PDE3A: variants seen among roughly 807,000 people sequenced by gnomAD.
The protein encoded by PDE3A is phosphodiesterase 3A.
A neutral mutation model predicts 98.3 loss-of-function variants in PDE3A; 43 were observed. That is an observed-to-expected ratio of 0.44 (90% CI 0.34 to 0.56). The LOEUF is 0.56. Among genes scored for constraint, PDE3A ranks in the 20% least tolerant of loss-of-function variants. The pLI is 0.01. For missense variants in PDE3A, 1,427 were observed against 1,440.7 expected, an observed-to-expected ratio of 0.99 and a Z score of 0.15; for synonymous variants, 663 against 567.9, an observed-to-expected ratio of 1.17 and a Z score of -2.38.
chr12:20,669,766 C>T (rs7956705), intron 15 of PDE3A, among the ~76,000 whole-genome samples: 7,238 of 152,062 alleles, frequency 0.048, 304 homozygotes, highest in African/African-American at 0.1. Flanking sequence ...TAAAGACCAT[C>T]GAGACTAGGA....
intron 1 of PDE3A, among the ~76,000 whole-genome samples, chr12:20,405,619 C>T (rs1321433012): frequency 1.3e-5 from 2 of 151,960 alleles, no homozygotes; most frequent in South Asian, 2.1e-4. Flanking sequence ...AAAATAAAAT[C>T]GTATATATTC....
intron 4 of PDE3A, among the ~76,000 whole-genome samples, chr12:20,616,705 C>G (rs901361907): frequency 6.6e-6 from 1 of 151,920 alleles, no homozygotes; most frequent in Non-Finnish European, 1.5e-5. Flanking sequence ...ATACCGAGAC[C>G]CTTAAATCAA....
intron 12 of PDE3A, 49 bp from the exon 13 acceptor site, chr12:20,648,639 G>T (rs1265101646): frequency 8.6e-7 from 1 of 1,156,396 alleles, no homozygotes; most frequent in Admixed American, 1.7e-5. Context: ...CATGATTTTT[G>T]TGATTATTTT....
rs61242685 is a variant in PDE3A at position 20,570,407 on chromosome 12, C to CAAAAAAAAAAAAAAA, written c.1011+13714_1011+13728dup. Reference sequence around the variant, plus strand: ...TGGGCAACAGAATGCGACGCTGTCTCAAAAAAAAAAAAAAAAAAAAAAAAA... The same window carrying CAAAAAAAAAAAAAAA: ...TGGGCAACAGAATGCGACGCTGTCTCAAAAAAAAAAAAAAAAAAAAAAAAAAAAAAAAAAAAAAAA... On this transcript the variant is annotated intron_variant, in intron 2 of 15. Transcript: ENST00000359062. Among the ~76,000 whole-genome samples the CAAAAAAAAAAAAAAA allele has an allele frequency of 4.2e-4, 18 of 43,356 alleles. 2 individuals carry two copies. Among genetic ancestry groups the CAAAAAAAAAAAAAAA allele is most frequent in the African/African-American group, 2.1e-3 (18 of 8,538 alleles). The allele number at this position is 43,356 out of a possible 152,430, so 28.4% of individuals were successfully genotyped here.
intron 1 of PDE3A, among the ~76,000 whole-genome samples, chr12:20,512,481 A>G (rs1345187378): frequency 1.3e-5 from 2 of 152,132 alleles, no homozygotes; most frequent in African/African-American, 4.8e-5. Context: ...AAGCTGATGG[A>G]GTAATATCTA....
chr12:20,672,728 C>T (rs1945520007), intron 15 of PDE3A, among the ~76,000 whole-genome samples: 1 of 130,896 alleles, frequency 7.6e-6, no homozygotes, highest in Non-Finnish European at 1.6e-5. Context: ...AAACGTTAGA[C>T]CTAAAACCAT....
chr12:20,502,586 T>C (rs1432178459), intron 1 of PDE3A, among the ~76,000 whole-genome samples: 1 of 152,160 alleles, frequency 6.6e-6, no homozygotes, highest in Non-Finnish European at 1.5e-5. Flanking sequence ...CTAGAGCAGG[T>C]CTAGCAAATA....
intron 1 of PDE3A, among the ~76,000 whole-genome samples, chr12:20,490,751 C>A (rs1304909993): frequency 1.3e-5 from 2 of 152,114 alleles, no homozygotes; most frequent in East Asian, 3.9e-4. Context: ...TGGTTCTCGT[C>A]CCATTAGAAG....
chr12:20,385,131 A>T (rs1186907701), intron 1 of PDE3A, among the ~76,000 whole-genome samples: 2 of 151,934 alleles, frequency 1.3e-5, no homozygotes, highest in Non-Finnish European at 2.9e-5. Flanking sequence ...TGGTTGAGCC[A>T]ATTTACATTC....
chr12:20,417,234 T>C (rs1475552370), intron 1 of PDE3A, among the ~76,000 whole-genome samples: 1 of 152,136 alleles, frequency 6.6e-6, no homozygotes, highest in Non-Finnish European at 1.5e-5. Context: ...CCAGTTTACT[T>C]TTTCAAAAAA....
At chr12:20,410,277 C>G (rs1487224603) in intron 1 of PDE3A, among the ~76,000 whole-genome samples, 1 of 152,166 alleles carries the variant, frequency 6.6e-6, no homozygotes, top group Non-Finnish European at 1.5e-5. Flanking sequence ...CTCAATTGTA[C>G]GTCCCCAAGC....
intron 2 of PDE3A, among the ~76,000 whole-genome samples, chr12:20,604,459 A>G (rs190577712): frequency 7.2e-5 from 11 of 152,266 alleles, no homozygotes; most frequent in Non-Finnish European, 1.2e-4. Context: ...CAAATTATAT[A>G]TATGACAAAA....
intron 1 of PDE3A, among the ~76,000 whole-genome samples, chr12:20,394,026 G>A (rs1334143672): frequency 6.6e-6 from 1 of 151,916 alleles, no homozygotes; most frequent in Non-Finnish European, 1.5e-5. Context: ...AACCTAGAAG[G>A]GCATGAACCT....
chr12:20,537,949 T>C (rs1489609413), intron 1 of PDE3A, among the ~76,000 whole-genome samples: 1 of 152,102 alleles, frequency 6.6e-6, no homozygotes, highest in African/African-American at 2.4e-5. Context: ...ATTTCTACCA[T>C]GTTTGTTTAA....
At chr12:20,625,024 GAAGT>G (rs1944228131) in intron 5 of PDE3A, among the ~76,000 whole-genome samples, 1 of 152,182 alleles carries the variant, frequency 6.6e-6, no homozygotes, top group African/African-American at 2.4e-5. Flanking sequence ...AAGCGAGTAT[GAAGT>G]AAGAAGAGGC....
At chr12:20,409,224 A>C (rs1040073054) in intron 1 of PDE3A, among the ~76,000 whole-genome samples, 1 of 152,200 alleles carries the variant, frequency 6.6e-6, no homozygotes, top group African/African-American at 2.4e-5. Context: ...AATAGTTGTT[A>C]TATTTGTAAG....
intron 1 of PDE3A, among the ~76,000 whole-genome samples, chr12:20,477,037 T>C (rs1056164017): frequency 6.6e-6 from 1 of 152,190 alleles, no homozygotes; most frequent in African/African-American, 2.4e-5. Flanking sequence ...TTTCGTGGTT[T>C]AGTATAGATG....
chr12:20,516,516 A>G (rs1017680336), intron 1 of PDE3A, among the ~76,000 whole-genome samples: 6 of 152,226 alleles, frequency 3.9e-5, no homozygotes, highest in African/African-American at 1.4e-4. Flanking sequence ...CTATACATTT[A>G]CACATGTAAA....
At chr12:20,389,837 T>G (rs1943881154) in intron 1 of PDE3A, among the ~76,000 whole-genome samples, 1 of 152,040 alleles carries the variant, frequency 6.6e-6, no homozygotes, top group Admixed American at 6.6e-5. Context: ...TCCTGTCTTT[T>G]CTGACTTTTC....
Sources: gnomAD v4.1 joint callset for allele counts (sites outside exome capture counted in the v4.1 genomes callset) on GRCh38, gnomAD v4.1.1 for gene constraint, MANE v1.5 for transcripts, NCBI Gene and HGNC (gene_info 2026-07-23, HGNC 2026-07-21) for gene names.